Variants in KIF6 observed in about 807,000 individuals in gnomAD.
The protein encoded by KIF6 is kinesin-like protein KIF6.
KIF6 carries 106 observed loss-of-function variants against 112.7 expected under a neutral mutation model. The ratio of observed to expected loss-of-function variants is 0.94; its 90% CI spans 0.80 to 1.11. The LOEUF is 1.11. KIF6 is among the 50% of genes least tolerant of loss of function. The pLI is 0.00. For missense variants in KIF6, 929 were observed against 964.0 expected, an observed-to-expected ratio of 0.96 and a Z score of 0.48; for synonymous variants, 339 against 339.9, an observed-to-expected ratio of 1.00 and a Z score of 0.03.
intron 5 of KIF6, among the ~76,000 whole-genome samples, chr6:39,629,712 T>G (rs1784265125): frequency 6.6e-6 from 1 of 152,106 alleles, no homozygotes; most frequent in African/African-American, 2.4e-5. Flanking sequence ...TTATAAATTT[T>G]TATTTCACTG....
chr6:39,654,300 C>T (rs1170174399), intron 3 of KIF6, among the ~76,000 whole-genome samples: 2 of 152,138 alleles, frequency 1.3e-5, no homozygotes, highest in East Asian at 3.9e-4. Flanking sequence ...CAGCCTCCAC[C>T]CCCACAAACA....
rs1004409624 is a variant in KIF6 at position 39,333,611 on chromosome 6, C to A, written c.*2921G>T. ...CCAACACCACATTAGTCAAAGTGGG[C>A]CATGACAAAGCTTTGGATGTGTAAT... On this transcript the variant is annotated 3_prime_UTR_variant, in exon 23 of 23. Transcript: ENST00000287152. 7 of 152,208 alleles carry A rather than the reference C, an allele frequency of 4.6e-5. No individual in the cohort carries two copies. The highest frequency in any genetic ancestry group is 3.3e-4 in the Admixed American group (5 of 15,276). The allele number at this position is 152,208 out of a possible 1,614,324, so 9.4% of individuals were successfully genotyped here. A position where few individuals can be genotyped will look rare whatever the true frequency, so the allele number is the denominator to read the frequency against.
chr6:39,667,952 ATGAG>A (rs1232024220), intron 3 of KIF6, among the ~76,000 whole-genome samples: 8 of 152,132 alleles, frequency 5.3e-5, no homozygotes, highest in Non-Finnish European at 1.0e-4. Context: ...CCCCTTGATG[ATGAG>A]TGAGTTCTCG....
At chr6:39,477,391 C>A (rs967295447) in intron 13 of KIF6, among the ~76,000 whole-genome samples, 2 of 152,026 alleles carry the variant, frequency 1.3e-5, no homozygotes, top group African/African-American at 4.8e-5. Context: ...CATGCACATA[C>A]AAACTGATAT....
In KIF6 at chr6:39,671,619, C is replaced by T. The variant is rs184156600; in HGVS notation, c.252-31862G>A. Among the ~76,000 whole-genome samples the T allele has an allele frequency of 6.3e-4, 96 of 152,288 alleles. No individual in the cohort carries two copies. In the South Asian group the frequency reaches 0.011, roughly 17 times the overall value. ...CACTATTGTGCTTCTCACGCCATCC[C>T]AGACATCTCAAGCTGACTTCCCTCA... On this transcript the variant is annotated intron_variant, in intron 3 of 22. Coordinates refer to ENST00000287152, the MANE Select transcript of KIF6 (RefSeq NM_145027.6).
chr6:39,633,501 C>T (rs1190498833), intron 5 of KIF6, among the ~76,000 whole-genome samples: 1 of 152,094 alleles, frequency 6.6e-6, no homozygotes, highest in East Asian at 1.9e-4. Context: ...CCTCCAATGT[C>T]AAGAGTTAAA....
At chr6:39,583,131 G>T in intron 9 of KIF6, 1 of 257,086 alleles carries the variant, frequency 3.9e-6, no homozygotes, top group South Asian at 4.7e-5. Flanking sequence ...CTAGCCAAAT[G>T]CAAAAAACAA....
chr6:39,483,743 C>T (rs1189942857), intron 13 of KIF6, among the ~76,000 whole-genome samples: 1 of 152,074 alleles, frequency 6.6e-6, no homozygotes, highest in Non-Finnish European at 1.5e-5. Flanking sequence ...CTATAATATC[C>T]AGGATATCAG....
At chr6:39,442,744 C>T (rs958160103) in intron 13 of KIF6, among the ~76,000 whole-genome samples, 2 of 152,152 alleles carry the variant, frequency 1.3e-5, no homozygotes, top group Non-Finnish European at 2.9e-5. Flanking sequence ...TGGAAGAACG[C>T]GTGTGTCTGA....
chr6:39,432,668 C>T (rs755471487), intron 13 of KIF6, among the ~76,000 whole-genome samples: 22 of 152,132 alleles, frequency 1.4e-4, no homozygotes, highest in South Asian at 2.1e-4. Context: ...TTGTGTGAGA[C>T]GCAGAAAGAT....
chr6:39,503,514 C>CA (rs200486437), intron 13 of KIF6, among the ~76,000 whole-genome samples: 12,020 of 149,828 alleles, frequency 0.08, 690 homozygotes, highest in East Asian at 0.29. Context: ...AAAACCCCTT[C>CA]AAAAAAAAAT....
chr6:39,410,806 A>G (rs1435918224), intron 15 of KIF6, among the ~76,000 whole-genome samples: 3 of 152,242 alleles, frequency 2.0e-5, no homozygotes, highest in Admixed American at 1.3e-4. Context: ...TCCCTGAGAT[A>G]AAACCAAGAG....
chr6:39,544,609 CT>C lies in KIF6; in HGVS notation c.1371del (p.Glu458LysfsTer11), dbSNP rs1281267059. On this transcript the variant is annotated frameshift_variant, in exon 12 of 23. Coordinates refer to ENST00000287152, the MANE Select transcript of KIF6 (RefSeq NM_145027.6). LOFTEE classifies it high-confidence loss of function. ...TCTCGTAGCTTTCTATATTCTTCTT[CT>C]TTTAATGGTTCTTGACAATCTTGGT... The part of the protein sequence containing the change: ...SKDQDCQEPL[K>X]EEEYRKLRDI... The C allele has an allele frequency of 6.2e-7, 1 of 1,612,016 alleles. No homozygotes were observed. The highest frequency in any genetic ancestry group is 2.2e-5 in the East Asian group (1 of 44,854).
intron 16 of KIF6, among the ~76,000 whole-genome samples, chr6:39,376,695 G>A (rs1766466443): frequency 6.6e-6 from 1 of 152,232 alleles, no homozygotes; most frequent in Non-Finnish European, 1.5e-5. Context: ...AGTGTGACTA[G>A]CTGCATCACA....
chr6:39,386,840 T>G (rs150541284), intron 15 of KIF6, among the ~76,000 whole-genome samples: 188 of 152,348 alleles, frequency 1.2e-3, no homozygotes, highest in African/African-American at 4.0e-3. Context: ...CTGTATGGCA[T>G]GTCCCATTTG....
intron 7 of KIF6, among the ~76,000 whole-genome samples, chr6:39,593,219 A>G: frequency 6.6e-6 from 1 of 152,224 alleles, no homozygotes; most frequent in East Asian, 1.9e-4. Flanking sequence ...AATGAAGCTA[A>G]TTAAACTAAA....
chr6:39,587,649 G>A (rs1162541309), intron 7 of KIF6, among the ~76,000 whole-genome samples: 1 of 151,874 alleles, frequency 6.6e-6, no homozygotes, highest in African/African-American at 2.4e-5. Flanking sequence ...TACTAGATAT[G>A]ATAGATATAG....
At chr6:39,449,812 G>A (rs1160125419) in intron 13 of KIF6, among the ~76,000 whole-genome samples, 10 of 152,138 alleles carry the variant, frequency 6.6e-5, no homozygotes, top group African/African-American at 2.4e-4. Flanking sequence ...GCTCTCCTAT[G>A]AAGGTGCCAA....
At chr6:39,464,845 A>T (rs1434354829) in intron 13 of KIF6, among the ~76,000 whole-genome samples, 1 of 152,226 alleles carries the variant, frequency 6.6e-6, no homozygotes, top group Non-Finnish European at 1.5e-5. Context: ...TGCTTTTTAA[A>T]AATTGATCAT....
Sources: allele counts gnomAD v4.1 joint callset (sites outside exome capture counted in the v4.1 genomes callset), GRCh38; gene constraint gnomAD v4.1.1; transcripts MANE v1.5; gene names NCBI Gene and HGNC (gene_info 2026-07-23, HGNC 2026-07-21).